NAV2: variants seen among roughly 807,000 people sequenced by gnomAD.
NAV2 encodes helicase, APC down-regulated 1.
A neutral mutation model predicts 223.2 loss-of-function variants in NAV2; 54 were observed. The ratio of observed to expected loss-of-function variants is 0.24; its 90% confidence interval spans 0.19 to 0.30. The LOEUF is 0.30. NAV2 is among the 10% of genes least tolerant of loss of function. NAV2 has a pLI of 1.00. For missense variants in NAV2, 2,806 were observed against 3,147.5 expected, an observed-to-expected ratio of 0.89 and a Z score of 2.60; for synonymous variants, 1,279 against 1,239.3, an observed-to-expected ratio of 1.03 and a Z score of -0.67.
chr11:19,743,231 G>A (rs16937169), intron 1 of NAV2, among the ~76,000 whole-genome samples: 16,843 of 152,238 alleles, frequency 0.11, 1,085 homozygotes, highest in East Asian at 0.24. Flanking sequence ...AACTGCAAAG[G>A]ACCCTACAGG....
rs149442875 is a variant in NAV2, at chr11:19,420,187, C to T, written c.75+69160C>T. On this transcript the variant is annotated intron_variant, in intron 1 of 37. Coordinates refer to the NAV2 transcript ENST00000360655. The stretch of plus-strand genomic sequence containing the variant: ...CCCATGTCACTGTCTTTAGTAGTGA[C>T]GTTAGCCTATGGGCTGTTGTGCAGT... 9.0e-3 allele frequency among the ~76,000 whole-genome samples: 1,368 copies of T among 152,168 alleles called. 5 individuals are homozygous for T. The highest frequency in any genetic ancestry group is 0.012 in the Non-Finnish European group (815 of 68,016).
rs188835287 is a variant in NAV2 at position 19,664,513 on chromosome 11, T to C, written c.76-167971T>C. Among the ~76,000 whole-genome samples, 251 of 152,314 alleles carry C rather than the reference T, an allele frequency of 1.6e-3. 2 individuals carry two copies. The highest frequency in any genetic ancestry group is 3.1e-3 in the Non-Finnish European group (210 of 68,020). ...AGTCCAAGCTTAATTTAGAGCCATT[T>C]ATGGGAGAAGCACCAAGCCAATATG... On this transcript the variant is annotated intron_variant, in intron 1 of 37. Transcript: ENST00000360655.
At chr11:19,986,744 G>T (rs1055576893) in intron 11 of NAV2, among the ~76,000 whole-genome samples, 1 of 152,194 alleles carries the variant, frequency 6.6e-6, no homozygotes, top group Non-Finnish European at 1.5e-5. Context: ...TTTTACATAA[G>T]TTCTGGCCTA....
At chr11:19,850,359 A>G (rs12361438) in intron 3 of NAV2, among the ~76,000 whole-genome samples, 18,178 of 152,116 alleles carry the variant, frequency 0.12, 1,187 homozygotes, top group Admixed American at 0.15. Flanking sequence ...CATGTCTTTC[A>G]CTTGAGTATC....
At chr11:20,106,175 A>ATATGTGTGTGTGTGTGTGTGTGTG (rs11267537) in intron 35 of NAV2, among the ~76,000 whole-genome samples, 1 of 35,840 alleles carries the variant, frequency 2.8e-5, no homozygotes, top group Non-Finnish European at 5.3e-5. Flanking sequence ...ATATATATAT[A>ATATGTGTGTGTGTGTGTGTGTGTG]TGTGTGTGTA....
intron 1 of NAV2, among the ~76,000 whole-genome samples, chr11:19,787,095 A>G (rs561026728): frequency 5.3e-5 from 8 of 151,646 alleles, no homozygotes; most frequent in Non-Finnish European, 1.0e-4. Context: ...CTGCATTTTT[A>G]TTTTATTTTT....
chr11:20,033,374 T>C (rs2055985397), intron 11 of NAV2, among the ~76,000 whole-genome samples: 1 of 152,158 alleles, frequency 6.6e-6, no homozygotes, highest in South Asian at 2.1e-4. Context: ...TAGAAAACTG[T>C]GTAAGAGTGT....
chr11:19,351,227 G>A (rs914667904), intron 1 of NAV2, among the ~76,000 whole-genome samples: 9 of 152,050 alleles, frequency 5.9e-5, no homozygotes, highest in Non-Finnish European at 2.9e-5. Flanking sequence ...TAAAGAAAAG[G>A]GAAAAAAAAT....
intron 3 of NAV2, among the ~76,000 whole-genome samples, chr11:19,865,536 T>G (rs2062040390): frequency 6.6e-6 from 1 of 152,142 alleles, no homozygotes; most frequent in South Asian, 2.1e-4. Context: ...TGAAAGAGCG[T>G]GGGTCTCGGC....
Position 20,098,287 on chromosome 11 carries a change from C to T in NAV2, c.6181+542C>T, listed in dbSNP as rs1246203475. On this transcript the variant is annotated intron_variant, in intron 31 of 37. Coordinates refer to ENST00000349880, the MANE Select transcript of NAV2 (RefSeq NM_145117.5). The stretch of plus-strand genomic sequence containing the variant: ...ACTGAGGAAAAAAAAAGCTTCACTG[C>T]CATGCAATTCTGGGAAACTACATCG... Among the ~76,000 whole-genome samples the T allele has an allele frequency of 9.9e-5, 15 of 152,184 alleles. 1 individual carries two copies. The highest frequency in any genetic ancestry group is 9.8e-4 in the Admixed American group (15 of 15,282).
chr11:19,529,616 C>G (rs1024502624), intron 1 of NAV2, among the ~76,000 whole-genome samples: 27 of 152,212 alleles, frequency 1.8e-4, no homozygotes, highest in African/African-American at 6.3e-4. Flanking sequence ...ATATAAGTCC[C>G]AGGGGTACGG....
chr11:19,594,430 T>A (rs2046147344), intron 1 of NAV2, among the ~76,000 whole-genome samples: 1 of 144,060 alleles, frequency 6.9e-6, no homozygotes, highest in Non-Finnish European at 1.5e-5. Flanking sequence ...TTCGGGGACT[T>A]TTTTTTTTTT....
At chr11:20,042,198 C>A (rs1368304087) in intron 12 of NAV2, among the ~76,000 whole-genome samples, 1 of 152,210 alleles carries the variant, frequency 6.6e-6, no homozygotes, top group African/African-American at 2.4e-5. Flanking sequence ...ACTTTAGTTT[C>A]TGTAAGATTG....
At chr11:19,367,440 T>C (rs1025583294) in intron 1 of NAV2, among the ~76,000 whole-genome samples, 1 of 152,228 alleles carries the variant, frequency 6.6e-6, no homozygotes, top group Non-Finnish European at 1.5e-5. Flanking sequence ...GTCTTACTCA[T>C]CTTCATATTT....
At chr11:19,636,703 C>T (rs1272840240) in intron 1 of NAV2, among the ~76,000 whole-genome samples, 2 of 152,156 alleles carry the variant, frequency 1.3e-5, no homozygotes, top group Non-Finnish European at 2.9e-5. Context: ...ATCTCCTGAC[C>T]TTGTGATCCA....
chr11:19,345,655 A>C, the NAV2 span, among the ~76,000 whole-genome samples: 1 of 152,128 alleles, frequency 6.6e-6, no homozygotes, highest in East Asian at 1.9e-4. This position sits in a 1 kb window ranked among gnomAD's most constrained non-coding sequence, Gnocchi z 5.2. Flanking sequence ...ATGCGCTGGG[A>C]AACTCTTCCC....
At chr11:20,090,024 T>C (rs1400698131) in intron 26 of NAV2, among the ~76,000 whole-genome samples, 1 of 152,176 alleles carries the variant, frequency 6.6e-6, no homozygotes, top group East Asian at 1.9e-4. Context: ...GTTTCCCTTC[T>C]TGCCCTGAGT....
At chr11:19,512,819 G>C (rs2043321426) in intron 1 of NAV2, among the ~76,000 whole-genome samples, 1 of 152,178 alleles carries the variant, frequency 6.6e-6, no homozygotes, top group Non-Finnish European at 1.5e-5. Context: ...AGACTATGCA[G>C]ATCAGCACGA....
intron 4 of NAV2, among the ~76,000 whole-genome samples, chr11:19,878,508 T>C (rs1283274574): frequency 1.3e-5 from 2 of 152,166 alleles, no homozygotes; most frequent in African/African-American, 4.8e-5. Context: ...GTGGTAAGAA[T>C]ACAGATTGGA....
Sources: gnomAD v4.1 joint callset for allele counts (sites outside exome capture counted in the v4.1 genomes callset) on GRCh38, gnomAD v4.1.1 for gene constraint, Gnocchi (gnomAD v3.1) non-coding constraint, MANE v1.5 for transcripts, NCBI Gene and HGNC (gene_info 2026-07-23, HGNC 2026-07-21) for gene names.